STAMBPL1: variants seen among roughly 807,000 people sequenced by gnomAD.
STAMBPL1 encodes the protein STAM binding protein like 1.
Under a neutral mutation model 52.9 loss-of-function variants are expected in STAMBPL1, and 44 were observed. The ratio of observed to expected loss-of-function variants is 0.83; its 90% CI spans 0.65 to 1.07. STAMBPL1 has a LOEUF of 1.07. Among genes scored for constraint, STAMBPL1 ranks in the 50% least tolerant of loss-of-function variants. STAMBPL1 has a pLI of 0.00. For missense variants in STAMBPL1, 511 were observed against 520.8 expected (o/e 0.98, Z 0.18); for synonymous variants, 164 against 177.3 (o/e 0.92, Z 0.60).
At chr10:88,911,499 G>T (rs931123537) in intron 5 of STAMBPL1, among the ~76,000 whole-genome samples, 2 of 152,190 alleles carry the variant, frequency 1.3e-5, no homozygotes, top group Non-Finnish European at 2.9e-5. Context: ...CCCAAAAGTG[G>T]TGGCTTCTGG....
At chr10:88,898,775 A>T (rs994501231) in intron 1 of STAMBPL1, among the ~76,000 whole-genome samples, 37 of 152,196 alleles carry the variant, frequency 2.4e-4, no homozygotes, top group African/African-American at 8.4e-4. Context: ...CTGGTCACCC[A>T]GCCCTGAATC....
chr10:88,903,105 T>C (rs1397999407), intron 2 of STAMBPL1, among the ~76,000 whole-genome samples: 1 of 152,226 alleles, frequency 6.6e-6, no homozygotes, highest in Non-Finnish European at 1.5e-5. Context: ...TTTTATTGTA[T>C]ATGTCACTGT....
chr10:88,903,276 A>T (rs1455522751), intron 2 of STAMBPL1, among the ~76,000 whole-genome samples: 1 of 151,974 alleles, frequency 6.6e-6, no homozygotes, highest in Non-Finnish European at 1.5e-5. Context: ...GAAGAGGAAA[A>T]ATCAATCTAA....
intron 8 of STAMBPL1, among the ~76,000 whole-genome samples, chr10:88,919,471 G>A (rs139593798): frequency 6.6e-6 from 1 of 152,186 alleles, no homozygotes; most frequent in Non-Finnish European, 1.5e-5. Context: ...GAAGGACTCA[G>A]GTCATGTGGT....
rs555768566 is a variant in STAMBPL1, at chr10:88,887,653, G to A, written c.-54+7015G>A. Reference sequence around the variant, plus strand: ...AAGCGATTAGCCTTCTAAGTAGCTGGGACTACAGGTGCGTGCTGCCACACC... The same window carrying A: ...AAGCGATTAGCCTTCTAAGTAGCTGAGACTACAGGTGCGTGCTGCCACACC... On this transcript the variant is annotated intron_variant, in intron 1 of 10. Coordinates refer to ENST00000371926, the MANE Select transcript of STAMBPL1 (RefSeq NM_020799.4). Among the ~76,000 whole-genome samples the A allele has an allele frequency of 1.8e-3, 268 of 152,270 alleles. 1 individual carries two copies. Among genetic ancestry groups the A allele is most frequent in the African/African-American group, 6.1e-3 (252 of 41,546 alleles).
At chr10:88,911,079 AT>A in intron 5 of STAMBPL1, 68 bp downstream of exon 5, 1 of 1,040,098 alleles carries the variant, frequency 9.6e-7, no homozygotes, top group Non-Finnish European at 1.4e-6. Context: ...TTTCATTTTT[AT>A]GTGATGAGTT....
In STAMBPL1 at chr10:88,883,443, A is replaced by G. The variant is rs79750700; in HGVS notation, c.-54+2805A>G. 3.5e-3 allele frequency among the ~76,000 whole-genome samples: 540 copies of G among 152,342 alleles called. 1 individual carries two copies. The highest frequency in any genetic ancestry group is 0.012 in the African/African-American group (503 of 41,580). ...CCTATCTGAACATGTGAACTGTCCA[A>G]TTGAACGTGTGAATGTACATTCAGA... On this transcript the variant is annotated intron_variant, in intron 1 of 10. Transcript: ENST00000371926.
At chr10:88,900,894 A>G (rs1014475709) in intron 1 of STAMBPL1, among the ~76,000 whole-genome samples, 11 of 152,202 alleles carry the variant, frequency 7.2e-5, no homozygotes, top group African/African-American at 2.7e-4. Flanking sequence ...CCAAGCTTGT[A>G]TGATCATTGG....
intron 4 of STAMBPL1, 134 bp downstream of exon 4, chr10:88,908,911 A>G: frequency 2.9e-6 from 2 of 692,168 alleles, no homozygotes. Context: ...ATTAACTATG[A>G]TGTTTCGATT....
At chr10:88,919,835 T>G (rs1845463380) in intron 8 of STAMBPL1, among the ~76,000 whole-genome samples, 1 of 151,748 alleles carries the variant, frequency 6.6e-6, no homozygotes, top group Non-Finnish European at 1.5e-5. Context: ...AAAAACGTTG[T>G]CTTGCCTTTT....
rs367897692 is a variant in STAMBPL1 at position 88,915,147 on chromosome 10, A to G, written c.903+489A>G. 3.9e-4 allele frequency among the ~76,000 whole-genome samples: 59 copies of G among 152,318 alleles called. No individual in the cohort carries two copies. In the South Asian group the frequency reaches 0.012, roughly 30 times the overall value. On this transcript the variant is annotated intron_variant, in intron 7 of 10. Coordinates refer to ENST00000371926, the MANE Select transcript of STAMBPL1 (RefSeq NM_020799.4). ...CAACAAAAGCCTATAAGCACAGGAC[A>G]TACTTAATTATGGAAGATGTCATCA...
intron 8 of STAMBPL1, among the ~76,000 whole-genome samples, chr10:88,918,110 C>G (rs1057156105): frequency 6.6e-6 from 1 of 152,026 alleles, no homozygotes; most frequent in Admixed American, 6.6e-5. Flanking sequence ...TGGTGGAAAC[C>G]CCACCATTCA....
At chr10:88,919,264 G>A (rs188444938) in intron 8 of STAMBPL1, among the ~76,000 whole-genome samples, 2 of 152,102 alleles carry the variant, frequency 1.3e-5, no homozygotes, top group Non-Finnish European at 2.9e-5. Context: ...TACTTATCTT[G>A]TTGCTGTGAG....
intron 1 of STAMBPL1, among the ~76,000 whole-genome samples, chr10:88,899,980 G>A (rs934805863): frequency 6.6e-6 from 1 of 152,010 alleles, no homozygotes; most frequent in African/African-American, 2.4e-5. Context: ...TCCTCAGTTG[G>A]GATTGCCTAC....
At position 88,922,516 on chromosome 10, in the gene STAMBPL1, A is replaced by T. The variant is rs11595731; in HGVS notation, c.1254+80A>T. ...AATCTGTTTTTAAATAAATAGTAGC[A>T]GTCTAATATAAGATAAAATACTGTA... is the stretch of plus-strand genomic sequence containing the variant. On this transcript the variant is annotated intron_variant, in intron 10 of 10. Transcript: ENST00000371926. The T allele has an allele frequency of 2.1e-3, 2,806 of 1,311,528 alleles. 6 individuals are homozygous for T. Among genetic ancestry groups the T allele is most frequent in the Non-Finnish European group, 2.6e-3 (2,432 of 923,702 alleles). The allele number at this position is 1,311,528 out of a possible 1,614,324, so 81.2% of individuals were successfully genotyped here.
chr10:88,905,637 T>C lies in STAMBPL1; in HGVS notation c.225T>C (p.Phe75=). 1 of 1,613,908 alleles carries C rather than the reference T, an allele frequency of 6.2e-7. No individual in the cohort carries two copies. The highest frequency in any genetic ancestry group is 1.7e-4 in the Middle Eastern group (1 of 6,060). The stretch of plus-strand genomic sequence containing the variant: ...AAGAAGGAAATTTGGAAAATGCCTT[T>C]GTTCTTTATAATAAATTTATAACGT... ...YLEEGNLENA[F]VLYNKFITLF... is the part of the protein sequence containing the mutation. Residue 75 remains phenylalanine, a synonymous_variant, in exon 3 of 11, where the codon TTT becomes TTC. Coordinates refer to ENST00000371926, the MANE Select transcript of STAMBPL1 (RefSeq NM_020799.4).
At chr10:88,922,299 C>G in intron 9 of STAMBPL1, 38 bp from the exon 10 acceptor site, 1 of 1,596,928 alleles carries the variant, frequency 6.3e-7, no homozygotes, top group South Asian at 1.1e-5. Flanking sequence ...CCCAAATGAT[C>G]CTTAATTTTT....
chr10:88,889,922 G>A (rs973405272), intron 1 of STAMBPL1, among the ~76,000 whole-genome samples: 3 of 152,128 alleles, frequency 2.0e-5, no homozygotes, highest in Admixed American at 1.3e-4. Flanking sequence ...TGTCTTTCAT[G>A]ATCTTGACAC....
rs773868292 is a variant in STAMBPL1 at position 88,923,153 on chromosome 10, T to G, written c.1255-15T>G. On this transcript the variant is annotated splice_polypyrimidine_tract_variant and intron_variant, in intron 10 of 10. Transcript: ENST00000371926. ...GAAATCAAACATATGGTAAAACCAA[T>G]TTTTTCTTTCCTAGATATGCAAACA... 1 of 1,596,850 alleles carries G rather than the reference T, an allele frequency of 6.3e-7. No homozygotes were observed. The highest frequency in any genetic ancestry group is 2.3e-5 in the East Asian group (1 of 44,276).
Sources: allele counts gnomAD v4.1 joint callset (sites outside exome capture counted in the v4.1 genomes callset), GRCh38; gene constraint gnomAD v4.1.1; transcripts MANE v1.5; gene names NCBI Gene and HGNC (gene_info 2026-07-23, HGNC 2026-07-21).